FRMD4B: variants seen among roughly 807,000 people sequenced by gnomAD.
FRMD4B encodes FERM domain-containing protein 4B.
A neutral mutation model predicts 141.5 loss-of-function variants in FRMD4B; 74 were observed. That is an observed-to-expected ratio of 0.52 (90% CI 0.43 to 0.63). The LOEUF (loss-of-function observed/expected upper bound fraction) is 0.63. Ranked by LOEUF, FRMD4B falls within the 30% of genes least tolerant of loss-of-function variation. The probability of loss-of-function intolerance (pLI) is 0.00; values close to 1 mark genes in which losing one functional copy is unlikely to be tolerated. For synonymous variants in FRMD4B, 506 were observed against 467.9 expected (o/e 1.08, Z -1.05); for missense variants, 1,366 against 1,253.4 (o/e 1.09, Z -1.36).
rs1327116112 is a variant in FRMD4B, at chr3:69,345,834, G to A, written c.163-32317C>T. Among the ~76,000 whole-genome samples, 10 of 152,190 alleles carry A rather than the reference G, an allele frequency of 6.6e-5. No homozygotes were observed. In the East Asian group the frequency reaches 1.2e-3, roughly 18 times the overall value. On this transcript the variant is annotated intron_variant, in intron 1 of 22. Transcript: ENST00000398540. ...ATCCACACCAAAACCCCATCTGTACGTCACCATCATCAAAGACCAAAGGTA... is the reference window on the plus strand; with the variant it reads ...ATCCACACCAAAACCCCATCTGTACATCACCATCATCAAAGACCAAAGGTA...
In FRMD4B at chr3:69,511,789, C is replaced by T. The variant is rs565289199; in HGVS notation, c.-129+30417G>A. ...CAGACCTGCATTTGTGGTCTGAAGG[C>T]TCTCCCTGCCTATTCTTACCCCACT... On this transcript the variant is annotated intron_variant, in intron 1 of 5. Coordinates refer to the FRMD4B transcript ENST00000459638. Among the ~76,000 whole-genome samples the T allele has an allele frequency of 2.6e-5, 4 of 152,338 alleles. 1 individual carries two copies. The highest frequency in any genetic ancestry group is 5.9e-5 in the Non-Finnish European group (4 of 68,032).
chr3:69,298,689 G>A (rs545236556), intron 4 of FRMD4B, among the ~76,000 whole-genome samples: 19 of 152,266 alleles, frequency 1.2e-4, no homozygotes, highest in African/African-American at 4.3e-4. Context: ...CCTCAGAAAT[G>A]GGCCTGGGTC....
intron 1 of FRMD4B, among the ~76,000 whole-genome samples, chr3:69,526,499 C>T (rs1050919106): frequency 6.6e-5 from 10 of 152,152 alleles, no homozygotes; most frequent in African/African-American, 9.7e-5. Flanking sequence ...GAGCCCCACA[C>T]GGAGGCAACA....
intron 5 of FRMD4B, among the ~76,000 whole-genome samples, chr3:69,258,538 C>T (rs1252234252): frequency 6.6e-6 from 1 of 151,548 alleles, no homozygotes; most frequent in Non-Finnish European, 1.5e-5. Flanking sequence ...TTTTCAATAT[C>T]ACCTTTACTG....
intron 2 of FRMD4B, among the ~76,000 whole-genome samples, chr3:69,429,750 C>CTTTTTTT (rs60665985): frequency 1.3e-5 from 1 of 79,472 alleles, no homozygotes; most frequent in Non-Finnish European, 2.4e-5. Context: ...GAGACCTCTT[C>CTTTTTTT]TTTTTTTTTT....
chr3:69,204,262 T>G (rs1268331918), intron 11 of FRMD4B, among the ~76,000 whole-genome samples: 1 of 152,142 alleles, frequency 6.6e-6, no homozygotes, highest in African/African-American at 2.4e-5. Flanking sequence ...AGGGAAAGCC[T>G]TGGACAAAAA....
At chr3:69,420,675 G>C (rs989308181) in intron 2 of FRMD4B, among the ~76,000 whole-genome samples, 8 of 152,194 alleles carry the variant, frequency 5.3e-5, no homozygotes, top group African/African-American at 1.9e-4. Context: ...TGAGAATGGA[G>C]AAATGCACAA....
chr3:69,299,059 G>T (rs1478949731), intron 4 of FRMD4B, among the ~76,000 whole-genome samples: 1 of 152,022 alleles, frequency 6.6e-6, no homozygotes, highest in East Asian at 1.9e-4. Flanking sequence ...TTGTTTATGT[G>T]TATGCTGACT....
rs552270736 is a variant in FRMD4B, at chr3:69,297,039, T to C, written c.416+5304A>G. 9.8e-5 allele frequency among the ~76,000 whole-genome samples: 15 copies of C among 152,340 alleles called. 1 individual carries two copies. Among genetic ancestry groups the C allele is most frequent in the East Asian group, 5.8e-4 (3 of 5,188 alleles). ...ATGGACTTTTTGTGGTCTACTTCTTTCACCTAGAATATATTGGGAGCATCT... is the reference window on the plus strand; with the variant it reads ...ATGGACTTTTTGTGGTCTACTTCTTCCACCTAGAATATATTGGGAGCATCT... On this transcript the variant is annotated intron_variant, in intron 4 of 22. Coordinates refer to ENST00000398540, the MANE Select transcript of FRMD4B (RefSeq NM_015123.3).
At chr3:69,460,743 C>T (rs1485619608) in intron 1 of FRMD4B, among the ~76,000 whole-genome samples, 1 of 152,160 alleles carries the variant, frequency 6.6e-6, no homozygotes, top group Non-Finnish European at 1.5e-5. Context: ...AGGTTACCCA[C>T]AGCACACAGC....
intron 1 of FRMD4B, among the ~76,000 whole-genome samples, chr3:69,328,197 T>C (rs1288195290): frequency 1.3e-5 from 2 of 150,632 alleles, no homozygotes; most frequent in Non-Finnish European, 2.9e-5. Context: ...GAACTTACAA[T>C]GAAATAAATC....
At chr3:69,226,155 A>G (rs1313642551) in intron 7 of FRMD4B, among the ~76,000 whole-genome samples, 1 of 152,176 alleles carries the variant, frequency 6.6e-6, no homozygotes, top group East Asian at 1.9e-4. Flanking sequence ...GGCCTTTCCT[A>G]CAGGTGAAAG....
intron 5 of FRMD4B, among the ~76,000 whole-genome samples, chr3:69,273,326 C>T (rs2093603791): frequency 6.6e-6 from 1 of 152,186 alleles, no homozygotes; most frequent in African/African-American, 2.4e-5. Flanking sequence ...ATCATTGCAG[C>T]TGACTTTACA....
At chr3:69,483,349 C>G (rs1706162187) in intron 1 of FRMD4B, among the ~76,000 whole-genome samples, 1 of 152,192 alleles carries the variant, frequency 6.6e-6, no homozygotes, top group African/African-American at 2.4e-5. Context: ...TTCTTTCCTT[C>G]AGTCCAAGAT....
At chr3:69,215,985 C>T (rs914929511) in intron 11 of FRMD4B, among the ~76,000 whole-genome samples, 1 of 152,112 alleles carries the variant, frequency 6.6e-6, no homozygotes. Flanking sequence ...AAAACCCCGT[C>T]TCTACTAAAA....
rs72335731 is a variant in FRMD4B, at chr3:69,325,982, GTC to G, written c.163-12467_163-12466del. On this transcript the variant is annotated intron_variant, in intron 1 of 22. Transcript: ENST00000398540. ...CTAGATTATTATTATTTGAGACAAG[GTC>G]TCTCTCTCTATCACCCAGGCTGGAG... Among the ~76,000 whole-genome samples, 344 of 151,742 alleles carry G rather than the reference GTC, an allele frequency of 2.3e-3. 4 individuals carry two copies. Among genetic ancestry groups the G allele is most frequent in the Middle Eastern group, 3.4e-3 (1 of 290 alleles).
intron 2 of FRMD4B, among the ~76,000 whole-genome samples, chr3:69,418,207 C>T (rs1704902818): frequency 6.6e-6 from 1 of 152,142 alleles, no homozygotes; most frequent in South Asian, 2.1e-4. Flanking sequence ...GGCATATGCT[C>T]ATACATTATA....
intron 5 of FRMD4B, among the ~76,000 whole-genome samples, chr3:69,263,101 A>C (rs1363689942): frequency 1.3e-5 from 2 of 151,990 alleles, no homozygotes; most frequent in African/African-American, 4.8e-5. Flanking sequence ...TCTACTAAAA[A>C]TACAAATTAG....
At chr3:69,185,683 C>A (rs1054759261) in intron 19 of FRMD4B, among the ~76,000 whole-genome samples, 2 of 152,028 alleles carry the variant, frequency 1.3e-5, no homozygotes, top group African/African-American at 4.8e-5. Flanking sequence ...TCAGGGTTGT[C>A]GTGAAGATTA....
Sources: allele counts gnomAD v4.1 joint callset (sites outside exome capture counted in the v4.1 genomes callset), GRCh38; gene constraint gnomAD v4.1.1; transcripts MANE v1.5; gene names NCBI Gene and HGNC (gene_info 2026-07-23, HGNC 2026-07-21).